SCHIP1: variants seen among roughly 807,000 people sequenced by gnomAD.
The protein encoded by SCHIP1 is schwannomin-interacting protein 1.
Under a neutral mutation model 29.7 loss-of-function variants are expected in SCHIP1, and 8 were observed. That is an observed-to-expected ratio of 0.27 (90% CI 0.16 to 0.49). The LOEUF (loss-of-function observed/expected upper bound fraction) is 0.49, where lower values mean the gene tolerates loss of function less well. Among genes scored for constraint, SCHIP1 ranks in the 20% least tolerant of loss-of-function variants. The probability of loss-of-function intolerance (pLI) is 0.99; values close to 1 mark genes in which losing one functional copy is unlikely to be tolerated. For missense variants in SCHIP1, 193 were observed against 294.6 expected, an observed-to-expected ratio of 0.66 and a Z score of 2.52; for synonymous variants, 76 against 94.9, an observed-to-expected ratio of 0.80 and a Z score of 1.16.
the SCHIP1 span, among the ~76,000 whole-genome samples, chr3:159,750,115 T>A: frequency 6.6e-6 from 1 of 151,852 alleles, no homozygotes; most frequent in Non-Finnish European, 1.5e-5. Context: ...ACTATTTCCT[T>A]ATATTCATAA....
chr3:159,529,877 T>C, the SCHIP1 span, among the ~76,000 whole-genome samples: 1 of 152,224 alleles, frequency 6.6e-6, no homozygotes, highest in Non-Finnish European at 1.5e-5. Flanking sequence ...TGTGCCTGAC[T>C]TGTTTCACTT....
At chr3:159,681,172 C>T in the SCHIP1 span, among the ~76,000 whole-genome samples, 11 of 151,726 alleles carry the variant, frequency 7.2e-5, no homozygotes, top group African/African-American at 9.7e-5. Context: ...CAGTGTATTC[C>T]GAGAGTTCTT....
the SCHIP1 span, among the ~76,000 whole-genome samples, chr3:159,509,684 A>G: frequency 2.6e-5 from 4 of 152,148 alleles, no homozygotes; most frequent in African/African-American, 9.7e-5. Flanking sequence ...ATCACTCAGC[A>G]TTTGCTTGTC....
the SCHIP1 span, among the ~76,000 whole-genome samples, chr3:159,498,198 A>G: frequency 6.6e-6 from 1 of 152,172 alleles, no homozygotes; most frequent in Non-Finnish European, 1.5e-5. Context: ...CAACAGCTCT[A>G]TTTCGTTATT....
At chr3:159,356,045 G>A in the SCHIP1 span, among the ~76,000 whole-genome samples, 1 of 152,002 alleles carries the variant, frequency 6.6e-6, no homozygotes, top group African/African-American at 2.4e-5. Flanking sequence ...GATCCCTGAG[G>A]TATCACCACA....
At chr3:159,677,101 T>C in the SCHIP1 span, among the ~76,000 whole-genome samples, 9 of 151,562 alleles carry the variant, frequency 5.9e-5, no homozygotes, top group Admixed American at 2.0e-4. Context: ...TAGCAAAGAG[T>C]TCAAGGGGCC....
the SCHIP1 span, among the ~76,000 whole-genome samples, chr3:159,744,515 G>T: frequency 6.6e-6 from 1 of 152,196 alleles, no homozygotes; most frequent in African/African-American, 2.4e-5. Flanking sequence ...ACATTTCAGA[G>T]AAATACTTTT....
chr3:159,604,771 A>T, the SCHIP1 span, among the ~76,000 whole-genome samples: 2 of 152,210 alleles, frequency 1.3e-5, no homozygotes, highest in Non-Finnish European at 2.9e-5. Context: ...TGTGTTTCTC[A>T]TAAGAATATT....
the SCHIP1 span, among the ~76,000 whole-genome samples, chr3:159,711,624 C>T: frequency 6.6e-6 from 1 of 151,856 alleles, no homozygotes; most frequent in Non-Finnish European, 1.5e-5. Context: ...GCCTATTGCT[C>T]ATAACCAGCC....
chr3:159,329,865 TAGTA>T, the SCHIP1 span, among the ~76,000 whole-genome samples: 6 of 151,890 alleles, frequency 4.0e-5, no homozygotes, highest in African/African-American at 1.5e-4. Flanking sequence ...ACAGCACCGT[TAGTA>T]TTTTTTTTTT....
At chr3:159,347,450 G>A in the SCHIP1 span, among the ~76,000 whole-genome samples, 4 of 152,160 alleles carry the variant, frequency 2.6e-5, no homozygotes, top group East Asian at 1.9e-4. Context: ...GGAAAGAAAC[G>A]ATAATACCTG....
At chr3:159,778,129 CCGCCAGCG>C in the SCHIP1 span, among the ~76,000 whole-genome samples, 1 of 152,064 alleles carries the variant, frequency 6.6e-6, no homozygotes, top group African/African-American at 2.4e-5. Flanking sequence ...CTACAGGCGC[CCGCCAGCG>C]CGCCTGCCAG....
exon 1 of SCHIP1, chr3:159,839,911 C>T: frequency 7.2e-7 from 1 of 1,397,036 alleles, no homozygotes. Flanking sequence ...TGATGAGCGC[C>T]CCCTCCCCCA....
intron 1 of SCHIP1, among the ~76,000 whole-genome samples, chr3:159,855,663 ATT>A (rs60953677): frequency 6.6e-6 from 1 of 150,618 alleles, no homozygotes; most frequent in African/African-American, 2.4e-5. Context: ...AAAAGTTGTA[ATT>A]TTTTTTTTAT....
At chr3:159,822,691 A>G in the SCHIP1 span, among the ~76,000 whole-genome samples, 27 of 148,342 alleles carry the variant, frequency 1.8e-4, 1 homozygote, top group South Asian at 2.6e-3. Flanking sequence ...TTTTGCACCA[A>G]CCTAGTAACA....
the SCHIP1 span, among the ~76,000 whole-genome samples, chr3:159,584,891 C>A: frequency 3.3e-5 from 5 of 152,022 alleles, no homozygotes; most frequent in Admixed American, 2.6e-4. Flanking sequence ...CCACACTGAC[C>A]TCCTTGTAAC....
At chr3:159,714,962 C>G in the SCHIP1 span, among the ~76,000 whole-genome samples, 1 of 152,232 alleles carries the variant, frequency 6.6e-6, no homozygotes, top group South Asian at 2.1e-4. Flanking sequence ...GGGCCCCTAA[C>G]CCCCGAGTAG....
At chr3:159,578,971 G>T in the SCHIP1 span, among the ~76,000 whole-genome samples, 5 of 152,060 alleles carry the variant, frequency 3.3e-5, no homozygotes, top group Non-Finnish European at 7.4e-5. Flanking sequence ...GGACATCTTG[G>T]CGGGGATTTT....
chr3:159,276,127 G>T, the SCHIP1 span, among the ~76,000 whole-genome samples: 13 of 152,218 alleles, frequency 8.5e-5, no homozygotes, highest in African/African-American at 3.1e-4. Context: ...CACTAAGAAA[G>T]ATTAGTTCAT....
Sources: allele counts gnomAD v4.1 joint callset (sites outside exome capture counted in the v4.1 genomes callset), GRCh38; gene constraint gnomAD v4.1.1; transcripts MANE v1.5; gene names NCBI Gene and HGNC (gene_info 2026-07-23, HGNC 2026-07-21).